UGGT1: variants seen among roughly 807,000 people sequenced by gnomAD.
UGGT1 encodes UDP-glucose:glycoprotein glucosyltransferase 1.
UGGT1 carries 107 observed loss-of-function variants against 203.9 expected under a neutral mutation model. The ratio of observed to expected loss-of-function variants is 0.52; its 90% CI spans 0.45 to 0.62. The LOEUF (loss-of-function observed/expected upper bound fraction) is 0.62. Among genes scored for constraint, UGGT1 ranks in the 20% least tolerant of loss-of-function variants. The pLI is 0.00. For missense variants in UGGT1, 1,673 were observed against 1,867.2 expected (o/e 0.90, Z 1.92); for synonymous variants, 628 against 653.5 (o/e 0.96, Z 0.59).
chr2:128,098,061 C>T (rs1188259620), intron 2 of UGGT1, among the ~76,000 whole-genome samples: 1 of 152,066 alleles, frequency 6.6e-6, no homozygotes, highest in Non-Finnish European at 1.5e-5. Flanking sequence ...GGGGTTTCGC[C>T]ATGTTGGCCA....
rs145952452 is a variant in UGGT1 at position 128,132,976 on chromosome 2, G to C, written c.1378-165G>C. Among the ~76,000 whole-genome samples, 20 of 152,258 alleles carry C rather than the reference G, an allele frequency of 1.3e-4. No homozygotes were observed. In the East Asian group the frequency reaches 3.7e-3, roughly 28 times the overall value. ...CCTGCCTTGTCCTTCCAAAGTGCTA[G>C]GATTACAGATGTGAGCCACTCACTG... is the stretch of plus-strand genomic sequence containing the variant. On this transcript the variant is annotated intron_variant, in intron 13 of 40. Transcript: ENST00000259253.
rs73955930 is a variant in UGGT1, at chr2:128,127,308, T to G, written c.1135-53T>G. On this transcript the variant is annotated intron_variant, in intron 11 of 40. Transcript: ENST00000259253. ...GTAGTGAAGCCCAGAAACAATAAAA[T>G]TTTTTTTAAAACATTCTCTCACAGC... 2.2e-3 allele frequency: 2,904 copies of G among 1,334,342 alleles called. 46 individuals are homozygous for G. The African/African-American group carries it at 0.033, about 15-fold the overall frequency. The allele number at this position is 1,334,342 out of a possible 1,614,324, so 82.7% of individuals were successfully genotyped here.
At chr2:128,126,765 C>T (rs1231643434) in intron 11 of UGGT1, among the ~76,000 whole-genome samples, 2 of 147,450 alleles carry the variant, frequency 1.4e-5, no homozygotes, top group Non-Finnish European at 1.5e-5. Flanking sequence ...TCACTGCAGC[C>T]TCTACCTCCT....
At chr2:128,115,926 A>G (rs1688079540) in intron 7 of UGGT1, among the ~76,000 whole-genome samples, 1 of 152,184 alleles carries the variant, frequency 6.6e-6, no homozygotes, top group South Asian at 2.1e-4. Context: ...TAATATTGAA[A>G]AATTCTTTGT....
At position 128,091,394 on chromosome 2, in the gene UGGT1, G is replaced by C; in HGVS notation, c.37G>C (p.Ala13Pro). Residue 13 changes from alanine (A) to proline (P), a missense_variant, in exon 1 of 41, where the codon GCG becomes CCG. Physicochemically the swap from Ala to Pro is conservative, Grantham distance 27 (BLOSUM62 -1). Transcript: ENST00000259253. The stretch of plus-strand genomic sequence containing the variant: ...GGGAGACGCGAGCGGTGCGTGTGCC[G>C]CGGGTGCGCTGCCGGTGACAGGTAC... ...CKGDASGACA[A>P]GALPVTGVCY... 6.3e-7 allele frequency: 1 copy of C among 1,578,764 alleles called. No homozygotes were observed. The highest frequency in any genetic ancestry group is 8.6e-7 in the Non-Finnish European group (1 of 1,162,456).
At chr2:128,121,875 C>T (rs1688398757) in intron 10 of UGGT1, among the ~76,000 whole-genome samples, 1 of 152,162 alleles carries the variant, frequency 6.6e-6, no homozygotes, top group South Asian at 2.1e-4. Context: ...CCTCAGTTTC[C>T]TCAGCAGTGG....
chr2:128,129,001 A>G, intron 12 of UGGT1, 28 bp from the exon 13 acceptor site: 2 of 1,502,792 alleles, frequency 1.3e-6, no homozygotes, highest in Non-Finnish European at 1.8e-6. Flanking sequence ...TTTTCCTAGT[A>G]AATATCTCTT....
intron 3 of UGGT1, among the ~76,000 whole-genome samples, chr2:128,105,440 A>C (rs1419408115): frequency 1.3e-5 from 2 of 151,826 alleles, no homozygotes; most frequent in African/African-American, 4.8e-5. Context: ...TGGCATTCCA[A>C]AGTGCTGGGA....
At position 128,115,253 on chromosome 2, in the gene UGGT1, C is replaced by T. The variant is rs377672423; in HGVS notation, c.793+33C>T. 1.9e-5 allele frequency: 30 copies of T among 1,572,306 alleles called. No homozygotes were observed. The African/African-American group carries it at 2.4e-4, about 13-fold the overall frequency. ...TGTAAAAATGGGACCAGTGTGCTTT[C>T]TTCAAATATGAGTTAAAGGGGAGTT... On this transcript the variant is annotated intron_variant, in intron 7 of 40. Coordinates refer to ENST00000259253, the MANE Select transcript of UGGT1 (RefSeq NM_020120.4).
At chr2:128,093,486 G>A (rs150781227) in intron 1 of UGGT1, among the ~76,000 whole-genome samples, 2 of 152,296 alleles carry the variant, frequency 1.3e-5, no homozygotes, top group East Asian at 1.9e-4. Flanking sequence ...CGTAAGTGTG[G>A]ATCTGTCAGA....
intron 10 of UGGT1, among the ~76,000 whole-genome samples, chr2:128,122,030 T>A (rs1354729865): frequency 6.6e-6 from 1 of 152,160 alleles, no homozygotes; most frequent in African/African-American, 2.4e-5. Flanking sequence ...AGAAACTGAG[T>A]CATAGAGGCT....
intron 35 of UGGT1, among the ~76,000 whole-genome samples, chr2:128,180,108 T>C (rs983899338): frequency 1.3e-5 from 2 of 152,202 alleles, no homozygotes; most frequent in African/African-American, 2.4e-5. Context: ...GTTGTTATTA[T>C]TAGCAGTGTC....
intron 6 of UGGT1, among the ~76,000 whole-genome samples, chr2:128,113,610 C>A (rs983932934): frequency 6.6e-5 from 10 of 151,886 alleles, no homozygotes; most frequent in African/African-American, 2.4e-4. Context: ...TCTTTGCCAC[C>A]TTTTTATTTG....
intron 34 of UGGT1, 93 bp downstream of exon 34, chr2:128,178,662 A>G: frequency 1.8e-6 from 2 of 1,092,588 alleles, no homozygotes; most frequent in South Asian, 1.5e-5. Flanking sequence ...TCTGCTCATT[A>G]TACTCCTGTG....
intron 13 of UGGT1, 23 bp downstream of exon 13, chr2:128,129,202 C>G (rs776080808): frequency 1.3e-6 from 2 of 1,589,236 alleles, no homozygotes; most frequent in Admixed American, 1.9e-5. Flanking sequence ...TTAGGGTGAT[C>G]AAAGGACTTT....
intron 37 of UGGT1, 98 bp from the exon 38 acceptor site, chr2:128,183,577 C>T: frequency 1.2e-6 from 1 of 825,916 alleles, no homozygotes. Context: ...AAAGAAAAGC[C>T]AGAATATTTG....
rs770331421 is a variant in UGGT1, at chr2:128,170,306, G to A, written c.2940G>A (p.Pro980=). 7.4e-6 allele frequency: 12 copies of A among 1,614,054 alleles called. No homozygotes were observed. The highest frequency in any genetic ancestry group is 2.7e-5 in the African/African-American group (2 of 74,936). ...EDRHSAIKLR[P]KEGETYFDVV... ...CTTTCAGTGCAATCAAACTGAGGCC[G>A]AAGGAAGGGGAGACATACTTTGATG... The change falls in exon 27 of 41, where the codon CCG becomes CCA. Residue 980 remains proline, a synonymous_variant. Transcript: ENST00000259253.
chr2:128,114,743 C>T (rs1015370287), intron 6 of UGGT1, among the ~76,000 whole-genome samples: 3 of 152,176 alleles, frequency 2.0e-5, no homozygotes, highest in African/African-American at 7.2e-5. Context: ...GCACTTTCAG[C>T]TGTCCATTCA....
intron 40 of UGGT1, 55 bp from the exon 41 acceptor site, chr2:128,189,662 T>C (rs1328218298): frequency 9.5e-6 from 15 of 1,577,740 alleles, no homozygotes; most frequent in Non-Finnish European, 1.3e-5. Flanking sequence ...CACTCAGTGG[T>C]GTTTGTAATT....
Sources: gnomAD v4.1 joint callset for allele counts (sites outside exome capture counted in the v4.1 genomes callset) on GRCh38, gnomAD v4.1.1 for gene constraint, MANE v1.5 for transcripts, NCBI Gene and HGNC (gene_info 2026-07-23, HGNC 2026-07-21) for gene names.